SOX5: variants seen among roughly 807,000 people sequenced by gnomAD.
SOX5 encodes transcription factor SOX-5.
In SOX5, 9 loss-of-function variants were observed where a neutral mutation model predicts 92.0. The ratio of observed to expected loss-of-function variants is 0.10; its 90% CI spans 0.06 to 0.17. SOX5 has a LOEUF of 0.17. SOX5 is among the 10% of genes least tolerant of loss of function. SOX5 has a pLI of 1.00. For missense variants in SOX5, 642 were observed against 944.5 expected (o/e 0.68, Z 4.20); for synonymous variants, 344 against 336.3 (o/e 1.02, Z -0.25).
intron 6 of SOX5, among the ~76,000 whole-genome samples, chr12:23,705,262 TCA>T (rs1335647787): frequency 6.6e-6 from 1 of 152,008 alleles, no homozygotes; most frequent in Non-Finnish European, 1.5e-5. Flanking sequence ...GTTTAATACT[TCA>T]CAGACTAAAG....
At chr12:23,774,498 T>C (rs2095038135) in intron 3 of SOX5, among the ~76,000 whole-genome samples, 1 of 152,194 alleles carries the variant, frequency 6.6e-6, no homozygotes, top group Non-Finnish European at 1.5e-5. Flanking sequence ...TTCAATGATA[T>C]TCTGCTGAGT....
intron 6 of SOX5, among the ~76,000 whole-genome samples, chr12:23,698,993 G>A (rs2140169740): frequency 6.6e-6 from 1 of 152,282 alleles, no homozygotes. Flanking sequence ...TATTGTTCCT[G>A]TTAGCTCTTT....
chr12:23,681,969 G>A (rs748831006), intron 6 of SOX5, among the ~76,000 whole-genome samples: 26 of 151,536 alleles, frequency 1.7e-4, no homozygotes, highest in Non-Finnish European at 3.2e-4. Context: ...GGAGAAATTA[G>A]CAATCCCCCA....
chr12:24,466,506 G>A (rs1010203379), intron 1 of SOX5, among the ~76,000 whole-genome samples: 96 of 152,276 alleles, frequency 6.3e-4, no homozygotes, highest in African/African-American at 2.0e-3. Flanking sequence ...TATTGGCACA[G>A]ACACAGGTTT....
intron 4 of SOX5, among the ~76,000 whole-genome samples, chr12:24,208,667 G>A (rs1012188544): frequency 5.9e-5 from 9 of 152,104 alleles, no homozygotes; most frequent in African/African-American, 1.9e-4. Context: ...ATTTCACATC[G>A]TATTCATTTG....
intron 7 of SOX5, among the ~76,000 whole-genome samples, chr12:23,655,994 C>A (rs2082259879): frequency 7.1e-6 from 1 of 141,688 alleles, no homozygotes; most frequent in South Asian, 2.2e-4. Context: ...AATTTGACTT[C>A]TTTAGAAATG....
intron 1 of SOX5, among the ~76,000 whole-genome samples, chr12:24,426,502 G>A (rs1966786077): frequency 6.6e-6 from 1 of 152,172 alleles, no homozygotes; most frequent in Non-Finnish European, 1.5e-5. Context: ...ATCAGACAAT[G>A]TACTGTTTTA....
intron 4 of SOX5, among the ~76,000 whole-genome samples, chr12:24,068,253 A>C (rs1205811363): frequency 6.6e-6 from 1 of 152,240 alleles, no homozygotes; most frequent in Admixed American, 6.5e-5. Flanking sequence ...TGTGTCCTAG[A>C]AAAAGAATTA....
intron 1 of SOX5, among the ~76,000 whole-genome samples, chr12:23,913,843 T>C (rs1236811061): frequency 6.6e-6 from 1 of 152,090 alleles, no homozygotes; most frequent in Non-Finnish European, 1.5e-5. Context: ...AGAACTCCAA[T>C]GAAAGATTAT....
intron 4 of SOX5, among the ~76,000 whole-genome samples, chr12:24,001,018 C>T (rs958802556): frequency 2.2e-4 from 34 of 152,122 alleles, no homozygotes; most frequent in African/African-American, 7.7e-4. Context: ...CTCCATGATA[C>T]ATCATATGGT....
chr12:24,004,493 A>G (rs1439639936), intron 4 of SOX5, among the ~76,000 whole-genome samples: 1 of 152,126 alleles, frequency 6.6e-6, no homozygotes, highest in Non-Finnish European at 1.5e-5. Context: ...TGCACAAGGA[A>G]TAGCTATATA....
At chr12:24,116,407 A>G (rs1235263413) in intron 4 of SOX5, among the ~76,000 whole-genome samples, 7 of 151,260 alleles carry the variant, frequency 4.6e-5, no homozygotes, top group Non-Finnish European at 8.9e-5. Flanking sequence ...TGAAGTAGAG[A>G]TGAGAAAAAA....
At chr12:23,600,548 T>C (rs1259479155) in intron 9 of SOX5, among the ~76,000 whole-genome samples, 1 of 126,230 alleles carries the variant, frequency 7.9e-6, no homozygotes, top group African/African-American at 2.9e-5. Context: ...TATATATATA[T>C]ATATACACAT....
chr12:23,627,126 A>G (rs2077931533), intron 8 of SOX5, among the ~76,000 whole-genome samples: 1 of 152,204 alleles, frequency 6.6e-6, no homozygotes, highest in African/African-American at 2.4e-5. Context: ...CCAGTAACAC[A>G]ATGGCTTGCC....
intron 4 of SOX5, among the ~76,000 whole-genome samples, chr12:24,028,580 A>G (rs1230595169): frequency 6.6e-6 from 1 of 151,994 alleles, no homozygotes; most frequent in Non-Finnish European, 1.5e-5. Context: ...AACAGACTCT[A>G]AGAAGTTATA....
chr12:24,215,888 CTGG>C (rs1302889285), intron 3 of SOX5, among the ~76,000 whole-genome samples: 2 of 151,746 alleles, frequency 1.3e-5, no homozygotes, highest in African/African-American at 4.8e-5. Flanking sequence ...ATTAGTGGTA[CTGG>C]TATAAGGATG....
At chr12:24,070,810 C>T (rs1443969808) in intron 4 of SOX5, among the ~76,000 whole-genome samples, 1 of 152,080 alleles carries the variant, frequency 6.6e-6, no homozygotes, top group Non-Finnish European at 1.5e-5. Flanking sequence ...TGTAATCATC[C>T]TCGGATTGAG....
chr12:24,001,470 G>A (rs1951607089), intron 4 of SOX5, among the ~76,000 whole-genome samples: 1 of 151,952 alleles, frequency 6.6e-6, no homozygotes, highest in African/African-American at 2.4e-5. Context: ...TAAATATTTG[G>A]AAATTAAAAA....
At chr12:24,466,656 T>C (rs1205085752) in intron 1 of SOX5, among the ~76,000 whole-genome samples, 1 of 152,200 alleles carries the variant, frequency 6.6e-6, no homozygotes, top group Non-Finnish European at 1.5e-5. Flanking sequence ...CATTAGATCC[T>C]TTCCTGTTGC....
Sources: gnomAD v4.1 joint callset for allele counts (sites outside exome capture counted in the v4.1 genomes callset) on GRCh38, gnomAD v4.1.1 for gene constraint, MANE v1.5 for transcripts, NCBI Gene and HGNC (gene_info 2026-07-23, HGNC 2026-07-21) for gene names.